ODAD2: variants seen among roughly 807,000 people sequenced by gnomAD.
The protein encoded by ODAD2 is outer dynein arm-docking complex subunit 2.
In ODAD2, 89 loss-of-function variants were observed where a neutral mutation model predicts 106.8. The observed-to-expected ratio is 0.83, with a 90% CI of 0.70 to 0.99. The LOEUF is 0.99. Ranked by LOEUF, ODAD2 falls within the 50% of genes least tolerant of loss-of-function variation. The pLI, the probability that ODAD2 is intolerant of heterozygous loss-of-function variation, is 0.00. For synonymous variants in ODAD2, 404 were observed against 436.2 expected, an observed-to-expected ratio of 0.93 and a Z score of 0.92; for missense variants, 1,168 against 1,238.5, an observed-to-expected ratio of 0.94 and a Z score of 0.85.
At position 27,939,973 on chromosome 10, in the gene ODAD2, A is replaced by G; in HGVS notation, c.2021T>C (p.Ile674Thr). 6.2e-7 allele frequency: 1 copy of G among 1,610,954 alleles called. No individual in the cohort carries two copies. Among genetic ancestry groups the G allele is most frequent in the South Asian group, 1.1e-5 (1 of 90,598 alleles). ...NYRAAIKAER[I>T]IENLVKNLNS... ...TAGGTTCTTGACAAGGTTTTCAATG[A>G]TCCTTTCTGCTTTGATTGCAGCCCG... Residue 674 changes from isoleucine to threonine, a missense_variant, in exon 14 of 20, where the codon ATC (isoleucine) becomes ACC (threonine). By Grantham distance (89) the Ile-to-Thr change is moderately conservative. Around this residue, in one of 3 missense-constraint regions of ODAD2, gnomAD observed 701 missense variants for 712.3 expected, o/e 0.98. Coordinates refer to ENST00000305242, the MANE Select transcript of ODAD2 (RefSeq NM_018076.5).
intron 19 of ODAD2, among the ~76,000 whole-genome samples, chr10:27,815,591 C>T (rs991529882): frequency 6.6e-6 from 1 of 152,176 alleles, no homozygotes; most frequent in Non-Finnish European, 1.5e-5. Context: ...TTGGCCACTT[C>T]CTCCTTCTCT....
chr10:27,920,340 G>A (rs1374751539), intron 16 of ODAD2, among the ~76,000 whole-genome samples: 4 of 151,988 alleles, frequency 2.6e-5, no homozygotes, highest in Non-Finnish European at 4.4e-5. Flanking sequence ...ACATATACAC[G>A]TATGCGCTCT....
chr10:27,957,722 T>C (rs1847834599), intron 10 of ODAD2: 1 of 152,340 alleles, frequency 6.6e-6, no homozygotes, highest in African/African-American at 2.4e-5. Context: ...AATTAACATA[T>C]GTCAAACCAA....
At chr10:27,854,121 T>C (rs542665137) in intron 19 of ODAD2, among the ~76,000 whole-genome samples, 33 of 152,254 alleles carry the variant, frequency 2.2e-4, no homozygotes, top group Admixed American at 3.9e-4. Context: ...TACAAGCACA[T>C]AGGATGTCCA....
At chr10:27,823,840 T>C (rs1056428519) in intron 19 of ODAD2, among the ~76,000 whole-genome samples, 3 of 152,134 alleles carry the variant, frequency 2.0e-5, no homozygotes, top group South Asian at 2.1e-4. Flanking sequence ...CACATCTCTA[T>C]GTTCATAAAA....
intron 17 of ODAD2, among the ~76,000 whole-genome samples, chr10:27,875,996 G>A (rs1339386139): frequency 6.6e-6 from 1 of 152,184 alleles, no homozygotes; most frequent in Non-Finnish European, 1.5e-5. Flanking sequence ...CGAGCCTGGG[G>A]GAGGGGCACC....
chr10:27,934,692 G>C (rs888767342), intron 16 of ODAD2, among the ~76,000 whole-genome samples: 1 of 152,036 alleles, frequency 6.6e-6, no homozygotes, highest in African/African-American at 2.4e-5. Context: ...CTCTCTAGGA[G>C]CCTAGTTAGA....
At chr10:27,934,935 T>C in intron 16 of ODAD2, 75 bp downstream of exon 16, 1 of 1,517,310 alleles carries the variant, frequency 6.6e-7, no homozygotes, top group Non-Finnish European at 9.1e-7. Flanking sequence ...TTCTAAGTGA[T>C]GACACTATTC....
At chr10:27,823,566 T>C (rs1836780805) in intron 19 of ODAD2, among the ~76,000 whole-genome samples, 1 of 152,192 alleles carries the variant, frequency 6.6e-6, no homozygotes, top group African/African-American at 2.4e-5. Flanking sequence ...TGGGATTAAA[T>C]GGGAAACGTA....
At chr10:27,849,989 G>A (rs958011090) in intron 19 of ODAD2, among the ~76,000 whole-genome samples, 10 of 152,322 alleles carry the variant, frequency 6.6e-5, no homozygotes, top group East Asian at 1.9e-4. Context: ...AGGGGAACCC[G>A]AAGTTCCATG....
intron 17 of ODAD2, among the ~76,000 whole-genome samples, chr10:27,865,587 T>A (rs1840380682): frequency 6.6e-6 from 1 of 152,234 alleles, no homozygotes; most frequent in South Asian, 2.1e-4. Context: ...GGTTTCTTTG[T>A]TTGTCTTTGA....
rs1174947180 is a variant in ODAD2 at position 27,885,906 on chromosome 10, AAT to A, written c.2610+21755_2610+21756del. On this transcript the variant is annotated intron_variant, in intron 17 of 19. Transcript: ENST00000305242. Reference sequence around the variant, plus strand: ...TTGGATATATATATTTATATATAAAAATATATATATATTTTTATATATATCCA... The same window carrying A: ...TTGGATATATATATTTATATATAAAAATATATATATTTTTATATATATCCA... Among the ~76,000 whole-genome samples, 10 of 123,546 alleles carry A rather than the reference AAT, an allele frequency of 8.1e-5. No homozygotes were observed. The East Asian group carries it at 8.5e-4, about 10-fold the overall frequency. The allele number at this position is 123,546 out of a possible 152,430, so 81.1% of individuals were successfully genotyped here.
chr10:27,942,893 T>C (rs1000465810), intron 12 of ODAD2, among the ~76,000 whole-genome samples: 1 of 152,216 alleles, frequency 6.6e-6, no homozygotes, highest in Admixed American at 6.5e-5. Flanking sequence ...TATAGTGCTT[T>C]ACAGATGACA....
Position 27,983,873 on chromosome 10 carries a change from A to T in ODAD2, c.789T>A (p.Thr263=), listed in dbSNP as rs753477183. 6.2e-7 allele frequency: 1 copy of T among 1,613,114 alleles called. No individual in the cohort carries two copies. Among genetic ancestry groups the T allele is most frequent in the South Asian group, 1.1e-5 (1 of 90,734 alleles). ...KPHDGETLCI[T]CSAGGVFLNG... ...TTAAAAATACTCCTCCTGCACTGCA[A>T]GTAATGCACAGAGTCTCACCATCGT... Residue 263 remains threonine (T), a synonymous_variant, in exon 6 of 20, where the codon ACT becomes ACA. Transcript: ENST00000305242.
At chr10:27,888,512 G>A (rs1198509849) in intron 17 of ODAD2, among the ~76,000 whole-genome samples, 2 of 151,696 alleles carry the variant, frequency 1.3e-5, no homozygotes, top group Non-Finnish European at 2.9e-5. Context: ...CTTTTTAATG[G>A]GATTATTTTG....
rs557040318 is a variant in ODAD2, at chr10:27,857,599, G to C, written c.3021+3026C>G. 8.5e-5 allele frequency among the ~76,000 whole-genome samples: 13 copies of C among 152,264 alleles called. No individual in the cohort carries two copies. The East Asian group carries it at 2.5e-3, about 29-fold the overall frequency. On this transcript the variant is annotated intron_variant, in intron 19 of 19. Coordinates refer to ENST00000305242, the MANE Select transcript of ODAD2 (RefSeq NM_018076.5). ...TTATGTGACATTTCTGCTGGGCAGCGCTGCTTTACACCTAAAATTCAAACT... is the reference window on the plus strand; with the variant it reads ...TTATGTGACATTTCTGCTGGGCAGCCCTGCTTTACACCTAAAATTCAAACT...
intron 16 of ODAD2, among the ~76,000 whole-genome samples, chr10:27,921,459 T>C (rs772028860): frequency 6.6e-6 from 1 of 151,942 alleles, no homozygotes; most frequent in African/African-American, 2.4e-5. Flanking sequence ...GTATGCCAGG[T>C]AGTTTGTATA....
At chr10:27,942,146 A>T (rs977289459) in intron 12 of ODAD2, among the ~76,000 whole-genome samples, 7 of 152,158 alleles carry the variant, frequency 4.6e-5, no homozygotes, top group Admixed American at 1.3e-4. Flanking sequence ...AGCATTTGTG[A>T]CTGTTTTGGA....
At chr10:27,923,057 G>C (rs190331465) in intron 16 of ODAD2, among the ~76,000 whole-genome samples, 1 of 152,042 alleles carries the variant, frequency 6.6e-6, no homozygotes, top group East Asian at 1.9e-4. Flanking sequence ...CCTTTCTAAA[G>C]AACAACAAAT....
Sources: gnomAD v4.1 joint callset for allele counts (sites outside exome capture counted in the v4.1 genomes callset) on GRCh38, gnomAD v4.1.1 for gene constraint, gnomAD v4.1.1 regional missense constraint, MANE v1.5 for transcripts, NCBI Gene and HGNC (gene_info 2026-07-23, HGNC 2026-07-21) for gene names.